MSRA: variants seen among roughly 807,000 people sequenced by gnomAD.
MSRA encodes methionine sulfoxide reductase A, also known as mitochondrial peptide methionine sulfoxide reductase.
In MSRA, 54 loss-of-function variants were observed where a neutral mutation model predicts 31.3. The observed-to-expected ratio is 1.73, with a 90% CI of 1.39 to 2.17. MSRA has a LOEUF of 2.17. Ranked by LOEUF, MSRA falls within the 30% of genes most tolerant of loss-of-function variation. The pLI is 0.00. For synonymous variants in MSRA, 169 were observed against 116.5 expected (o/e 1.45, Z -2.90); for missense variants, 507 against 300.9 (o/e 1.69, Z -5.07).
chr8:10,150,877 G>T (rs1220161603), intron 1 of MSRA, among the ~76,000 whole-genome samples: 1 of 152,134 alleles, frequency 6.6e-6, no homozygotes, highest in African/African-American at 2.4e-5. Flanking sequence ...TGTGGAGTGG[G>T]AAGCAAGACA....
intron 2 of MSRA, among the ~76,000 whole-genome samples, chr8:10,210,046 G>A (rs1298764764): frequency 1.3e-5 from 2 of 152,052 alleles, no homozygotes; most frequent in African/African-American, 2.4e-5. Flanking sequence ...ATCACTTGTC[G>A]CCCTGGGCTA....
chr8:10,108,613 C>T (rs374447804), intron 1 of MSRA, among the ~76,000 whole-genome samples: 10 of 152,158 alleles, frequency 6.6e-5, no homozygotes, highest in African/African-American at 2.4e-4. Context: ...ATTTTATAAA[C>T]ACCCCGAGGA....
intron 1 of MSRA, among the ~76,000 whole-genome samples, chr8:10,149,414 G>A (rs139649196): frequency 1.8e-3 from 268 of 152,290 alleles, no homozygotes; most frequent in African/African-American, 5.4e-3. Context: ...GTGAGCCACC[G>A]CGCCCGGCTG....
intron 5 of MSRA, among the ~76,000 whole-genome samples, chr8:10,330,901 C>G (rs1167149616): frequency 2.0e-5 from 3 of 152,148 alleles, no homozygotes; most frequent in East Asian, 1.9e-4. Context: ...AGCCTCTACC[C>G]CCAGTGTGAT....
chr8:10,339,141 C>G (rs1055305993), intron 5 of MSRA, among the ~76,000 whole-genome samples: 2 of 152,200 alleles, frequency 1.3e-5, no homozygotes, highest in African/African-American at 4.8e-5. Context: ...TTGATCTCCT[C>G]TCTGGTCCCT....
In MSRA at chr8:10,166,073, A is replaced by C. The variant is rs147853118; in HGVS notation, c.143-41760A>C. On this transcript the variant is annotated intron_variant, in intron 1 of 5. Transcript: ENST00000317173. The stretch of plus-strand genomic sequence containing the variant: ...GGATGGACCCTCAAGGCAGCGAATG[A>C]AACCCGGGGCTGGTAAGGTCAAAGG... Among the ~76,000 whole-genome samples the C allele has an allele frequency of 1.9e-4, 29 of 152,250 alleles. No homozygotes were observed. In the East Asian group the frequency reaches 5.2e-3, roughly 27 times the overall value.
intron 3 of MSRA, among the ~76,000 whole-genome samples, chr8:10,273,852 A>G (rs572084891): frequency 6.6e-6 from 1 of 152,120 alleles, no homozygotes; most frequent in African/African-American, 2.4e-5. Flanking sequence ...TTACATTATG[A>G]TCCTCGAGCC....
intron 1 of MSRA, among the ~76,000 whole-genome samples, chr8:10,094,716 G>A (rs2128929094): frequency 6.6e-6 from 1 of 152,320 alleles, no homozygotes; most frequent in Admixed American, 6.5e-5. Flanking sequence ...AGGTAAGTGT[G>A]TGAAGCACAG....
At position 10,428,312 on chromosome 8, in the gene MSRA, A is replaced by T. The variant is rs773042309; in HGVS notation, c.708A>T (p.Ter236TyrextTer24). The change falls in exon 6 of 6, where the codon TAA (stop) becomes TAT (tyrosine). Residue 236 changes from the stop codon to tyrosine, a stop_lost. Transcript: ENST00000317173. ...CCTGCCCAGTGGGTATTAAAAAATA[A>T]TTTCTCCCCACATGGTGGGCCTTTG... ...GVSCPVGIKK[*>Y] The T allele has an allele frequency of 8.7e-6, 14 of 1,611,960 alleles. No homozygotes were observed. The Admixed American group carries it at 2.4e-4, about 27-fold the overall frequency.
chr8:10,217,545 G>T (rs1810100822), intron 2 of MSRA, among the ~76,000 whole-genome samples: 1 of 152,186 alleles, frequency 6.6e-6, no homozygotes, highest in African/African-American at 2.4e-5. Context: ...AATTGTGAAA[G>T]ATTTCAAACA....
At chr8:10,074,686 T>C (rs1395395645) in intron 1 of MSRA, among the ~76,000 whole-genome samples, 2 of 152,078 alleles carry the variant, frequency 1.3e-5, no homozygotes, top group African/African-American at 4.8e-5. Flanking sequence ...TTTGACACAG[T>C]CTTGCTCTGT....
At chr8:10,059,050 A>G (rs1360955245) in intron 1 of MSRA, 1 of 152,256 alleles carries the variant, frequency 6.6e-6, no homozygotes, top group Non-Finnish European at 1.5e-5. Flanking sequence ...AAAAGAGGAA[A>G]AAAGATCAGA....
intron 3 of MSRA, among the ~76,000 whole-genome samples, chr8:10,259,829 G>T (rs566613722): frequency 6.6e-6 from 1 of 152,132 alleles, no homozygotes; most frequent in Non-Finnish European, 1.5e-5. Flanking sequence ...TGCTCCTCTC[G>T]GCTTCTTCCA....
chr8:10,197,085 G>C (rs1471638761), intron 1 of MSRA, among the ~76,000 whole-genome samples: 2 of 152,098 alleles, frequency 1.3e-5, no homozygotes, highest in African/African-American at 4.8e-5. Context: ...ACAGGCATCA[G>C]GCTGAAATAC....
chr8:10,082,545 C>G (rs756318801), intron 1 of MSRA, among the ~76,000 whole-genome samples: 12 of 152,178 alleles, frequency 7.9e-5, no homozygotes, highest in Admixed American at 2.0e-4. Context: ...CATCCGTGCA[C>G]TAAGGGTCTC....
rs530642912 is a variant in MSRA, at chr8:10,227,364, C to A, written c.212-17740C>A. Among the ~76,000 whole-genome samples the A allele has an allele frequency of 3.9e-5, 6 of 152,212 alleles. No individual in the cohort carries two copies. The South Asian group carries it at 1.2e-3, about 32-fold the overall frequency. On this transcript the variant is annotated intron_variant, in intron 2 of 5. Transcript: ENST00000317173. ...AGTGTAGGAATAGCTTTCAAGCTCT[C>A]ATTAGATCTGTGAAGGGGAATGGGC...
chr8:10,152,675 C>T (rs1347755138), intron 1 of MSRA, among the ~76,000 whole-genome samples: 6 of 152,118 alleles, frequency 3.9e-5, no homozygotes, highest in African/African-American at 7.2e-5. Context: ...AAAGAGGAAG[C>T]GCTGCCCATT....
At chr8:10,183,808 G>GTGGTGC (rs1352236728) in intron 1 of MSRA, among the ~76,000 whole-genome samples, 64 of 100,226 alleles carry the variant, frequency 6.4e-4, no homozygotes, top group African/African-American at 2.0e-3. Context: ...GGTGGTGGTG[G>GTGGTGC]TGCTGCTGCT....
intron 1 of MSRA, among the ~76,000 whole-genome samples, chr8:10,158,021 T>C (rs1329568850): frequency 6.6e-6 from 1 of 152,162 alleles, no homozygotes; most frequent in Non-Finnish European, 1.5e-5. Flanking sequence ...AAGTCCAAGA[T>C]CAAGGAGCCA....
Sources: gnomAD v4.1 joint callset for allele counts (sites outside exome capture counted in the v4.1 genomes callset) on GRCh38, gnomAD v4.1.1 for gene constraint, MANE v1.5 for transcripts, NCBI Gene and HGNC (gene_info 2026-07-23, HGNC 2026-07-21) for gene names.